Variants in DPY19L3 observed in about 807,000 individuals in gnomAD.
DPY19L3 encodes the protein protein C-mannosyl-transferase DPY19L3.
DPY19L3 carries 51 observed loss-of-function variants against 92.3 expected under a neutral mutation model. That is an observed-to-expected ratio of 0.55 (90% CI 0.44 to 0.70). DPY19L3 has a LOEUF of 0.70. Among genes scored for constraint, DPY19L3 ranks in the 30% least tolerant of loss-of-function variants. The pLI, the probability that DPY19L3 is intolerant of heterozygous loss-of-function variation, is 0.00. For synonymous variants in DPY19L3, 309 were observed against 315.2 expected (o/e 0.98, Z 0.21); for missense variants, 706 against 855.9 (o/e 0.82, Z 2.18).
intron 3 of DPY19L3, among the ~76,000 whole-genome samples, chr19:32,421,835 C>G (rs954172583): frequency 6.6e-6 from 1 of 151,770 alleles, no homozygotes; most frequent in African/African-American, 2.4e-5. Context: ...GCTAGGCAGG[C>G]CAGAAGGAGC....
intron 8 of DPY19L3, among the ~76,000 whole-genome samples, chr19:32,452,298 T>C (rs2085541969): frequency 6.6e-6 from 1 of 152,208 alleles, no homozygotes; most frequent in Non-Finnish European, 1.5e-5. Flanking sequence ...GCTGATGTCA[T>C]TGCCCAGTGT....
At chr19:32,474,124 T>C (rs1970434881) in intron 16 of DPY19L3, among the ~76,000 whole-genome samples, 1 of 152,224 alleles carries the variant, frequency 6.6e-6, no homozygotes, top group East Asian at 1.9e-4. Context: ...TTTTAATTCA[T>C]CTTATAGGCA....
At chr19:32,421,551 C>G (rs1285736708) in intron 3 of DPY19L3, among the ~76,000 whole-genome samples, 1 of 150,878 alleles carries the variant, frequency 6.6e-6, no homozygotes, top group African/African-American at 2.4e-5. Flanking sequence ...TCGCTTGAAC[C>G]TGGGAGGAGG....
At chr19:32,452,796 C>T (rs796802398) in intron 8 of DPY19L3, among the ~76,000 whole-genome samples, 5 of 151,974 alleles carry the variant, frequency 3.3e-5, no homozygotes, top group East Asian at 1.9e-4. Context: ...CAGGCTCAAG[C>T]GATTCTCCTG....
At chr19:32,459,243 T>C (rs1042135190) in intron 12 of DPY19L3, among the ~76,000 whole-genome samples, 14 of 152,114 alleles carry the variant, frequency 9.2e-5, no homozygotes, top group African/African-American at 3.4e-4. Flanking sequence ...ATCAAGCTGC[T>C]GGGGGGGTTT....
intron 5 of DPY19L3, 34 bp downstream of exon 5, chr19:32,436,601 A>G (rs368449819): frequency 2.1e-6 from 3 of 1,401,402 alleles, no homozygotes; most frequent in Non-Finnish European, 2.8e-6. Flanking sequence ...TTAATATCAG[A>G]TGAAAGTCAA....
intron 3 of DPY19L3, among the ~76,000 whole-genome samples, chr19:32,415,613 G>T (rs1225825981): frequency 6.6e-6 from 1 of 152,194 alleles, no homozygotes; most frequent in African/African-American, 2.4e-5. Context: ...TCAGAAAGTT[G>T]CCTTAGGCTG....
intron 8 of DPY19L3, among the ~76,000 whole-genome samples, chr19:32,444,423 T>C (rs1215989144): frequency 1.3e-5 from 2 of 151,700 alleles, no homozygotes; most frequent in Non-Finnish European, 2.9e-5. Flanking sequence ...CAAGAAAAAA[T>C]AGAATGAAAC....
intron 2 of DPY19L3, among the ~76,000 whole-genome samples, chr19:32,410,474 TAA>T (rs1239440821): frequency 6.6e-6 from 1 of 151,500 alleles, no homozygotes; most frequent in Admixed American, 6.6e-5. Flanking sequence ...CCTGTGGGTT[TAA>T]AAAAAAAGTT....
chr19:32,473,506 A>G (rs1182452778), intron 16 of DPY19L3, among the ~76,000 whole-genome samples: 1 of 152,246 alleles, frequency 6.6e-6, no homozygotes, highest in East Asian at 1.9e-4. Context: ...GCTAAGGACA[A>G]CGGATCCCTT....
chr19:32,476,459 C>T (rs956042790), intron 16 of DPY19L3, among the ~76,000 whole-genome samples: 5 of 146,332 alleles, frequency 3.4e-5, no homozygotes, highest in African/African-American at 7.7e-5. Flanking sequence ...GGAGAATCCC[C>T]AGAAGAGAGC....
Position 32,453,197 on chromosome 19 carries a change from T to G in DPY19L3, c.908T>G (p.Leu303Arg), listed in dbSNP as rs564666545. The change falls in exon 9 of 19, where the codon CTT (leucine) becomes CGT (arginine). Residue 303 changes from leucine to arginine, a missense_variant. Transcript: ENST00000392250. ...QITSLLLVCI[L>R]QFFNSMILGS... ...ACAAGTTTACTCCTGGTCTGCATTCTTCAGTTTTTTAATTCCATGATTCTT... is the reference window on the plus strand; with the variant it reads ...ACAAGTTTACTCCTGGTCTGCATTCGTCAGTTTTTTAATTCCATGATTCTT... The G allele has an allele frequency of 6.2e-7, 1 of 1,614,136 alleles. No homozygotes were observed. The highest frequency in any genetic ancestry group is 1.3e-5 in the African/African-American group (1 of 75,056).
intron 13 of DPY19L3, 21 bp from the exon 14 acceptor site, chr19:32,463,847 GC>G (rs753071875): frequency 1.3e-6 from 2 of 1,595,146 alleles, no homozygotes; most frequent in Admixed American, 3.3e-5. Flanking sequence ...CTTCTGACTT[GC>G]GCCTGTGTCT....
At position 32,464,800 on chromosome 19, in the gene DPY19L3, CT is replaced by C; in HGVS notation, c.1614+17del. The C allele has an allele frequency of 6.7e-7, 1 of 1,482,094 alleles. No homozygotes were observed. The highest frequency in any genetic ancestry group is 9.1e-7 in the Non-Finnish European group (1 of 1,097,110). 91.8% of individuals were successfully genotyped at this position (1,482,094 alleles called of 1,614,324 possible). On this transcript the variant is annotated intron_variant, in intron 15 of 18. Transcript: ENST00000392250. ...ATGCTATAAGGTAAGACTGATTTTC[CT>C]CATTCTTGTCATTCATGTATTTAGC...
In DPY19L3 at chr19:32,458,959, C is replaced by G. The variant is rs149458318; in HGVS notation, c.1322+450C>G. The stretch of plus-strand genomic sequence containing the variant: ...TGACTCATAAGCCTCTGTTGTGTTT[C>G]CATTATTAGCATCCTGTGTTTTTCT... On this transcript the variant is annotated intron_variant, in intron 12 of 18. Coordinates refer to ENST00000392250, the MANE Select transcript of DPY19L3 (RefSeq NM_001172774.2). Among the ~76,000 whole-genome samples the G allele has an allele frequency of 1.3e-3, 195 of 152,234 alleles. 2 individuals carry two copies. The East Asian group carries it at 0.026, about 21-fold the overall frequency.
chr19:32,431,936 G>A (rs371114523), intron 3 of DPY19L3, among the ~76,000 whole-genome samples: 1 of 152,106 alleles, frequency 6.6e-6, no homozygotes, highest in East Asian at 1.9e-4. Flanking sequence ...ACACTTTCAG[G>A]GTAACTTGTG....
chr19:32,409,136 A>G lies in DPY19L3; in HGVS notation c.103+780A>G, dbSNP rs182122780. On this transcript the variant is annotated intron_variant, in intron 2 of 18. Coordinates refer to ENST00000392250, the MANE Select transcript of DPY19L3 (RefSeq NM_001172774.2). ...CTGGCTCAGCCATTAGCGAGTGATT[A>G]ACACGTTTTGGATAATAGTACTTTC... Among the ~76,000 whole-genome samples the G allele has an allele frequency of 1.6e-4, 25 of 152,354 alleles. No homozygotes were observed. The East Asian group carries it at 4.4e-3, about 27-fold the overall frequency.
Position 32,477,614 on chromosome 19 carries a change from C to A in DPY19L3, c.1790C>A (p.Pro597Gln). 2.5e-6 allele frequency: 4 copies of A among 1,614,146 alleles called. No individual in the cohort carries two copies. Among genetic ancestry groups the A allele is most frequent in the Non-Finnish European group, 3.4e-6 (4 of 1,180,028 alleles). ...LCTGRTLTNH[P>Q]HYEDSSLRER... ...ACGGGAAGGACCCTAACCAACCACC[C>A]GCACTATGAAGACAGCAGCCTGAGA... is the stretch of plus-strand genomic sequence containing the variant. The change falls in exon 17 of 19, where the codon CCG becomes CAG. Residue 597 changes from proline to glutamine, a missense_variant. Coordinates refer to ENST00000392250, the MANE Select transcript of DPY19L3 (RefSeq NM_001172774.2).
chr19:32,447,110 A>C (rs1042413213), intron 8 of DPY19L3, among the ~76,000 whole-genome samples: 3 of 152,234 alleles, frequency 2.0e-5, no homozygotes, highest in Non-Finnish European at 4.4e-5. Context: ...TATAGTAGTA[A>C]TAGCCAGAAT....
Sources: gnomAD v4.1 joint callset for allele counts (sites outside exome capture counted in the v4.1 genomes callset) on GRCh38, gnomAD v4.1.1 for gene constraint, MANE v1.5 for transcripts, NCBI Gene and HGNC (gene_info 2026-07-23, HGNC 2026-07-21) for gene names.